PTPN21: variants seen among roughly 807,000 people sequenced by gnomAD.
PTPN21 encodes the protein protein tyrosine phosphatase non-receptor type 21.
A neutral mutation model predicts 131.8 loss-of-function variants in PTPN21; 77 were observed. The observed-to-expected ratio is 0.58, with a 90% CI of 0.49 to 0.71. The LOEUF is 0.71. PTPN21 is among the 30% of genes least tolerant of loss of function. PTPN21 has a pLI of 0.00. For synonymous variants in PTPN21, 715 were observed against 621.3 expected (o/e 1.15, Z -2.24); for missense variants, 1,552 against 1,527.1 (o/e 1.02, Z -0.27).
Position 88,466,877 on chromosome 14 carries a change from CCCTT to C in PTPN21, c.*1256_*1259del, listed in dbSNP as rs2077372570. The C allele has an allele frequency of 6.6e-6, 1 of 152,178 alleles. No individual in the cohort carries two copies. The highest frequency in any genetic ancestry group is 2.4e-5 in the African/African-American group (1 of 41,426). The allele number at this position is 152,178 out of a possible 1,614,324, so 9.4% of individuals were successfully genotyped here. On this transcript the variant is annotated 3_prime_UTR_variant, in exon 19 of 19. Transcript: ENST00000556564. ...GAGGTGAAAACTATTATTAACTATT[CCCTT>C]CCTTCAACCAAAAGGAAAAATACGC...
At position 88,490,813 on chromosome 14, in the gene PTPN21, G is replaced by T. The variant is rs144929598; in HGVS notation, c.933-4971C>A. On this transcript the variant is annotated intron_variant, in intron 10 of 18. Transcript: ENST00000556564. ...CTGAAATACAAGTTTCCCTTCTGGA[G>T]AAAGTCTCTTGAACCCTCTATCACT... Among the ~76,000 whole-genome samples the T allele has an allele frequency of 4.5e-3, 680 of 152,304 alleles. 4 individuals are homozygous for T. The highest frequency in any genetic ancestry group is 6.3e-3 in the Non-Finnish European group (429 of 68,024).
In PTPN21 at chr14:88,472,349, T is replaced by G; in HGVS notation, c.2766A>C (p.Ala922=). Residue 922 remains alanine (A), a synonymous_variant, in exon 15 of 19, where the codon GCA becomes GCC. Coordinates refer to ENST00000556564, the MANE Select transcript of PTPN21 (RefSeq NM_007039.4). ...ECSTARLPEN[A]ERNRFQDVLP... is the part of the protein sequence containing the mutation. ...GAACATCTTGGAATCGATTTCTTTC[T>G]GCATTTTCAGGGAGTCGTGCTGTTG... 6.2e-7 allele frequency: 1 copy of G among 1,613,996 alleles called. No homozygotes were observed. The highest frequency in any genetic ancestry group is 8.5e-7 in the Non-Finnish European group (1 of 1,179,830).
intron 10 of PTPN21, among the ~76,000 whole-genome samples, chr14:88,490,158 G>A (rs987253715): frequency 6.6e-6 from 1 of 151,888 alleles, no homozygotes; most frequent in South Asian, 2.1e-4. Flanking sequence ...ATAGGCGCCC[G>A]CCACCACGCC....
At chr14:88,506,164 C>A (rs1323705294) in intron 4 of PTPN21, among the ~76,000 whole-genome samples, 1 of 151,914 alleles carries the variant, frequency 6.6e-6, no homozygotes, top group African/African-American at 2.4e-5. Flanking sequence ...CATAGCAAGA[C>A]CCTATCTCTA....
In PTPN21 at chr14:88,521,566, CTT is replaced by C. The variant is rs11407992; in HGVS notation, c.181-4307_181-4306del. Among the ~76,000 whole-genome samples the C allele has an allele frequency of 6.2e-3, 816 of 131,444 alleles. 10 individuals carry two copies. Among genetic ancestry groups the C allele is most frequent in the African/African-American group, 0.022 (778 of 35,464 alleles). The allele number at this position is 131,444 out of a possible 152,430, so 86.2% of individuals were successfully genotyped here. On this transcript the variant is annotated intron_variant, in intron 2 of 18. Transcript: ENST00000556564. Reference sequence around the variant, plus strand: ...TACAGGCACCCGCCACCACGCCCAACTTTTTTTTTTTTTTTTTGCATTTTTTA... The same window carrying C: ...TACAGGCACCCGCCACCACGCCCAACTTTTTTTTTTTTTTTGCATTTTTTA...
intron 4 of PTPN21, among the ~76,000 whole-genome samples, 169 bp downstream of exon 4, chr14:88,507,754 C>T (rs994007055): frequency 6.6e-6 from 1 of 151,556 alleles, no homozygotes; most frequent in Non-Finnish European, 1.5e-5. Flanking sequence ...TGAGGTATTC[C>T]AAGTTCATTT....
rs1394578263 is a variant in PTPN21 at position 88,479,160 on chromosome 14, G to A, written c.2271C>T (p.Ile757=). Residue 757 remains isoleucine (I), a synonymous_variant, in exon 13 of 19, where the codon ATC becomes ATT. Transcript: ENST00000556564. ...PRVLLAGPLH[I]LEPKAHVPDA... ...CTGGGACGTGGGCCTTGGGCTCCAG[G>A]ATGTGCAGGGGCCCGGCGAGCAGGA... 1.2e-5 allele frequency: 18 copies of A among 1,553,480 alleles called. No individual in the cohort carries two copies. Among genetic ancestry groups the A allele is most frequent in the Non-Finnish European group, 1.5e-5 (17 of 1,152,938 alleles).
intron 12 of PTPN21, among the ~76,000 whole-genome samples, chr14:88,481,705 A>C (rs1403791249): frequency 2.0e-5 from 3 of 152,184 alleles, no homozygotes; most frequent in African/African-American, 7.2e-5. Flanking sequence ...GGGGACAAGG[A>C]AGAGAGAACC....
At chr14:88,472,529 T>C (rs1447592881) in intron 14 of PTPN21, 64 bp from the exon 15 acceptor site, 5 of 1,020,304 alleles carry the variant, frequency 4.9e-6, no homozygotes, top group Non-Finnish European at 7.4e-6. Flanking sequence ...CTTTTGACTG[T>C]ATATTTGAAA....
intron 10 of PTPN21, among the ~76,000 whole-genome samples, chr14:88,489,995 A>G (rs575735080): frequency 2.6e-5 from 4 of 151,392 alleles, no homozygotes; most frequent in South Asian, 2.1e-4. Flanking sequence ...CTCCAGCCCC[A>G]TGAAATGTGT....
At position 88,479,515 on chromosome 14, in the gene PTPN21, T is replaced by C. The variant is rs1261454123; in HGVS notation, c.1916A>G (p.Glu639Gly). Residue 639 changes from glutamate (E) to glycine (G), a missense_variant, in exon 13 of 19, where the codon GAG becomes GGG. Around this residue, in one of 4 missense-constraint regions of PTPN21, gnomAD observed 1,016 missense variants for 883.5 expected, o/e 1.15. Transcript: ENST00000556564. ...CAGGCCGTGGCTGAGCCCGGCCACC[T>C]CGATGCTGTTCCGTTTGTGCAGCTG... is the stretch of plus-strand genomic sequence containing the variant. ...HAQLHKRNSI[E>G]VAGLSHGLEG... The C allele has an allele frequency of 6.2e-7, 1 of 1,600,670 alleles. No homozygotes were observed. The highest frequency in any genetic ancestry group is 8.5e-7 in the Non-Finnish European group (1 of 1,179,258).
chr14:88,519,332 A>C (rs774159724), intron 2 of PTPN21, among the ~76,000 whole-genome samples: 4 of 152,202 alleles, frequency 2.6e-5, no homozygotes, highest in Non-Finnish European at 5.9e-5. Context: ...GTGATGATGG[A>C]AATTATCTAC....
At chr14:88,533,415 C>A (rs2078580710) in intron 2 of PTPN21, among the ~76,000 whole-genome samples, 2 of 152,332 alleles carry the variant, frequency 1.3e-5, no homozygotes, top group South Asian at 4.1e-4. Context: ...CAATGCATTA[C>A]TCACATGTCT....
rs948160345 is a variant in PTPN21 at position 88,501,386 on chromosome 14, C to G, written c.588-18G>C. On this transcript the variant is annotated intron_variant, in intron 6 of 18. Transcript: ENST00000556564. ...TGAGCCCTCTGCAACCCAAAAGAAG[C>G]AAGATTGTTCACAAAGCAAGCTTAA... The G allele has an allele frequency of 6.3e-7, 1 of 1,597,932 alleles. No individual in the cohort carries two copies. The highest frequency in any genetic ancestry group is 8.6e-7 in the Non-Finnish European group (1 of 1,165,884).
chr14:88,479,788 T>G lies in PTPN21; in HGVS notation c.1643A>C (p.Gln548Pro). 6.5e-7 allele frequency: 1 copy of G among 1,545,000 alleles called. No homozygotes were observed. Among genetic ancestry groups the G allele is most frequent in the South Asian group, 1.2e-5 (1 of 81,048 alleles). Residue 548 changes from glutamine (Q) to proline (P), a missense_variant, in exon 13 of 19, where the codon CAG becomes CCG. By Grantham distance (76) the Gln-to-Pro change is moderately conservative. This residue lies in a region of PTPN21 where 1,016 missense variants were observed against 883.5 expected (regional missense o/e 1.15). Transcript: ENST00000556564. Reference sequence around the variant, plus strand: ...GTTGGGAGACGGGTAGTCCTGCGCCTGCAGCTGCGCATTGGTCAGCTCCGG... The same window carrying G: ...GTTGGGAGACGGGTAGTCCTGCGCCGGCAGCTGCGCATTGGTCAGCTCCGG... ...SVPELTNAQL[Q>P]AQDYPSPNIM... is the part of the protein sequence containing the mutation.
At chr14:88,489,428 C>A (rs551567829) in intron 10 of PTPN21, among the ~76,000 whole-genome samples, 1 of 152,056 alleles carries the variant, frequency 6.6e-6, no homozygotes, top group South Asian at 2.1e-4. Context: ...TCACTTGAGG[C>A]CAGGGGTTTA....
Position 88,469,128 on chromosome 14 carries a change from A to G in PTPN21, c.3236-52T>C, listed in dbSNP as rs944977622. 4.5e-6 allele frequency: 7 copies of G among 1,544,246 alleles called. No homozygotes were observed. In the African/African-American group the frequency reaches 6.8e-5, roughly 15 times the overall value. On this transcript the variant is annotated intron_variant, in intron 17 of 18. Transcript: ENST00000556564. The surrounding 1 kb of genome is among the most constrained non-coding windows in gnomAD (Gnocchi z 4.3). Reference sequence around the variant, plus strand: ...GTACTCAAGGATCAAGGCGTATCACATTGTTGACTCAATCTTCATATTCTC... The same window carrying G: ...GTACTCAAGGATCAAGGCGTATCACGTTGTTGACTCAATCTTCATATTCTC...
intron 3 of PTPN21, among the ~76,000 whole-genome samples, chr14:88,516,370 A>G (rs1025850404): frequency 3.3e-5 from 5 of 152,158 alleles, no homozygotes; most frequent in African/African-American, 1.2e-4. Flanking sequence ...CCCTTGAAGT[A>G]GCACAGCTAC....
rs2077366110 is a variant in PTPN21 at position 88,466,547 on chromosome 14, GTT to G, written c.*1588_*1589del. ...CAGCCCTAGATTTGACATTTTGGAAGTTCACTGTAAGAAGAGACCCCAAAAAG... is the reference window on the plus strand; with the variant it reads ...CAGCCCTAGATTTGACATTTTGGAAGCACTGTAAGAAGAGACCCCAAAAAG... On this transcript the variant is annotated 3_prime_UTR_variant, in exon 19 of 19. Coordinates refer to ENST00000556564, the MANE Select transcript of PTPN21 (RefSeq NM_007039.4). 1.3e-5 allele frequency: 2 copies of G among 152,180 alleles called. No homozygotes were observed. Among genetic ancestry groups the G allele is most frequent in the Admixed American group, 1.3e-4 (2 of 15,274 alleles). The allele number at this position is 152,180 out of a possible 1,614,324, so 9.4% of individuals were successfully genotyped here.
Sources: gnomAD v4.1 joint callset for allele counts (sites outside exome capture counted in the v4.1 genomes callset) on GRCh38, gnomAD v4.1.1 for gene constraint, gnomAD v4.1.1 regional missense constraint, Gnocchi (gnomAD v3.1) non-coding constraint, MANE v1.5 for transcripts, NCBI Gene and HGNC (gene_info 2026-07-23, HGNC 2026-07-21) for gene names.